CABIN1: variants seen among roughly 807,000 people sequenced by gnomAD.
CABIN1 encodes the protein calcineurin-binding protein cabin-1.
In CABIN1, 133 loss-of-function variants were observed where a neutral mutation model predicts 227.7. The ratio of observed to expected loss-of-function variants is 0.58; its 90% confidence interval spans 0.51 to 0.67. The LOEUF (loss-of-function observed/expected upper bound fraction) is 0.67. Ranked by LOEUF, CABIN1 falls within the 30% of genes least tolerant of loss-of-function variation. The probability of loss-of-function intolerance (pLI) is 0.00; values close to 1 mark genes in which losing one functional copy is unlikely to be tolerated. For synonymous variants in CABIN1, 1,086 were observed against 1,155.1 expected (o/e 0.94, Z 1.21); for missense variants, 2,408 against 2,852.5 (o/e 0.84, Z 3.55).
chr22:24,058,992 T>C (rs2039001532), intron 10 of CABIN1, among the ~76,000 whole-genome samples: 1 of 152,206 alleles, frequency 6.6e-6, no homozygotes, highest in Non-Finnish European at 1.5e-5. Flanking sequence ...TAGCTGGTGC[T>C]CGGTAATCAT....
At chr22:24,025,581 A>T (rs1476398773) in intron 1 of CABIN1, among the ~76,000 whole-genome samples, 2 of 152,216 alleles carry the variant, frequency 1.3e-5, no homozygotes, top group Non-Finnish European at 2.9e-5. Context: ...TAGCTGAGTC[A>T]AGTTATTCTT....
chr22:24,020,446 C>T (rs978306875), intron 1 of CABIN1, among the ~76,000 whole-genome samples: 5 of 152,248 alleles, frequency 3.3e-5, no homozygotes, highest in South Asian at 2.1e-4. Context: ...GTCAGCCTCC[C>T]AAGTAGCTGG....
At chr22:24,134,720 G>A (rs2044285204) in intron 29 of CABIN1, among the ~76,000 whole-genome samples, 1 of 152,218 alleles carries the variant, frequency 6.6e-6, no homozygotes, top group African/African-American at 2.4e-5. Flanking sequence ...ACAGGCCCAG[G>A]TTTCCTCCTC....
At chr22:24,076,373 C>A in intron 19 of CABIN1, 89 bp downstream of exon 19, 3 of 1,063,398 alleles carry the variant, frequency 2.8e-6, no homozygotes, top group South Asian at 1.3e-5. Flanking sequence ...TTCATGTTGG[C>A]ACGCTGGGCT....
intron 23 of CABIN1, among the ~76,000 whole-genome samples, chr22:24,089,199 G>T (rs1042251134): frequency 1.3e-5 from 2 of 152,212 alleles, no homozygotes; most frequent in African/African-American, 4.8e-5. Flanking sequence ...AAATAAATAG[G>T]GTGAGAAGTC....
At chr22:24,141,336 C>T (rs2044745045) in intron 29 of CABIN1, among the ~76,000 whole-genome samples, 1 of 152,266 alleles carries the variant, frequency 6.6e-6, no homozygotes. Flanking sequence ...TTCTTGGTCA[C>T]TGCTGCATAG....
At chr22:24,165,473 T>C (rs1221991809) in intron 30 of CABIN1, 57 bp from the exon 31 acceptor site, 1 of 1,463,904 alleles carries the variant, frequency 6.8e-7, no homozygotes, top group African/African-American at 1.4e-5. Context: ...CATCCAGCAG[T>C]GCCATGTGGT....
Position 24,035,500 on chromosome 22 carries a change from T to C in CABIN1, c.-18T>C. 6.2e-7 allele frequency: 1 copy of C among 1,614,188 alleles called. No homozygotes were observed. Among genetic ancestry groups the C allele is most frequent in the South Asian group, 1.1e-5 (1 of 91,086 alleles). On this transcript the variant is annotated 5_prime_UTR_variant, in exon 2 of 37. Transcript: ENST00000263119. ...TGATGAGAAGTGATGCTCGTGGCAG[T>C]GCTGAATCTCTCTGAATATGGTAAG...
intron 26 of CABIN1, among the ~76,000 whole-genome samples, chr22:24,100,566 C>T (rs1036012539): frequency 3.9e-5 from 6 of 152,176 alleles, no homozygotes; most frequent in African/African-American, 1.4e-4. Flanking sequence ...TGAGACCAGC[C>T]TTGGGTCTAC....
chr22:24,098,731 C>T (rs1410577397), intron 26 of CABIN1, among the ~76,000 whole-genome samples: 1 of 152,134 alleles, frequency 6.6e-6, no homozygotes, highest in Non-Finnish European at 1.5e-5. Context: ...GGGCAGGTGG[C>T]GACTGTTCAA....
rs754317089 is a variant in CABIN1 at position 24,119,660 on chromosome 22, C to T, written c.4594C>T (p.Arg1532Cys). 8.1e-6 allele frequency: 13 copies of T among 1,613,910 alleles called. No individual in the cohort carries two copies. The highest frequency in any genetic ancestry group is 1.1e-5 in the Non-Finnish European group (13 of 1,180,052). The change falls in exon 28 of 37, where the codon CGT becomes TGT. Residue 1532 changes from arginine to cysteine, a missense_variant. Transcript: ENST00000263119. ...CCCCCAGCACTATAAGAGTCTCTAC[C>T]GTCTGGCCTTCCTCTACACCTACAG... Reference protein sequence around the residue: ...RFPQHYKSLYRLAFLYTYSKT... With the variant: ...RFPQHYKSLYCLAFLYTYSKT...
rs200503027 is a variant in CABIN1, at chr22:24,171,705, C to G, written c.5758-8C>G. The G allele has an allele frequency of 4.6e-4, 748 of 1,613,936 alleles. 3 individuals are homozygous for G. The Middle Eastern group carries it at 7.1e-3, about 15-fold the overall frequency. ...CCAGCCTTTCTCACCTCTTGTTTGT[C>G]CTCACAGGCCTCGGGGGACACCCCC... On this transcript the variant is annotated splice_region_variant and splice_polypyrimidine_tract_variant and intron_variant, in intron 33 of 36. Transcript: ENST00000263119.
chr22:24,070,753 A>G (rs1179451963), intron 16 of CABIN1, 47 bp from the exon 17 acceptor site: 2 of 1,613,606 alleles, frequency 1.2e-6, no homozygotes, highest in African/African-American at 1.3e-5. Context: ...TTGGGCCCAG[A>G]TGTGCTGAGC....
At chr22:24,157,747 C>T (rs1019302670) in intron 29 of CABIN1, among the ~76,000 whole-genome samples, 3 of 152,168 alleles carry the variant, frequency 2.0e-5, no homozygotes, top group Non-Finnish European at 4.4e-5. Flanking sequence ...TGGTATTTTC[C>T]CCACAGCTGC....
At chr22:24,012,506 G>C (rs535888500) in intron 1 of CABIN1, among the ~76,000 whole-genome samples, 2 of 152,280 alleles carry the variant, frequency 1.3e-5, no homozygotes, top group South Asian at 4.1e-4. Flanking sequence ...CCACCACTGA[G>C]CTTAAGACAT....
rs374649092 is a variant in CABIN1, at chr22:24,064,024, C to G, written c.1885-11C>G. On this transcript the variant is annotated splice_polypyrimidine_tract_variant and intron_variant, in intron 14 of 36. Coordinates refer to ENST00000263119, the MANE Select transcript of CABIN1 (RefSeq NM_012295.4). ...TGCTTTGGTTCCCTGACCTGTTTTCCGTCTAACCAGGGAGACATGGAGCAG... is the reference window on the plus strand; with the variant it reads ...TGCTTTGGTTCCCTGACCTGTTTTCGGTCTAACCAGGGAGACATGGAGCAG... 7.4e-6 allele frequency: 12 copies of G among 1,614,052 alleles called. No individual in the cohort carries two copies. Among genetic ancestry groups the G allele is most frequent in the Non-Finnish European group, 1.0e-5 (12 of 1,179,984 alleles).
intron 20 of CABIN1, among the ~76,000 whole-genome samples, chr22:24,084,023 G>T (rs2040980879): frequency 6.6e-6 from 1 of 152,134 alleles, no homozygotes; most frequent in African/African-American, 2.4e-5. Flanking sequence ...CAAACCTAGG[G>T]CCACTCTCCC....
chr22:24,068,458 C>T (rs2039850810), intron 16 of CABIN1, among the ~76,000 whole-genome samples: 1 of 152,226 alleles, frequency 6.6e-6, no homozygotes, highest in Non-Finnish European at 1.5e-5. Context: ...TTATTGTCTT[C>T]TAGAACAGCT....
intron 29 of CABIN1, among the ~76,000 whole-genome samples, chr22:24,147,480 G>A (rs1433220560): frequency 6.9e-6 from 1 of 144,668 alleles, no homozygotes; most frequent in Non-Finnish European, 1.5e-5. Context: ...GGGCTTCACT[G>A]TGTCATCCAG....
Sources: allele counts gnomAD v4.1 joint callset (sites outside exome capture counted in the v4.1 genomes callset), GRCh38; gene constraint gnomAD v4.1.1; transcripts MANE v1.5; gene names NCBI Gene and HGNC (gene_info 2026-07-23, HGNC 2026-07-21).